Variants in CD33 observed in about 807,000 individuals in gnomAD.
CD33 encodes myeloid cell surface antigen CD33.
In CD33, 25 loss-of-function variants were observed where a neutral mutation model predicts 31.4. That is an observed-to-expected ratio of 0.80 (90% CI 0.58 to 1.11). CD33 has a LOEUF of 1.11. Among genes scored for constraint, CD33 ranks in the 50% most tolerant of loss-of-function variants. The pLI is 0.00. For missense variants in CD33, 407 were observed against 448.1 expected (o/e 0.91, Z 0.83); for synonymous variants, 176 against 180.6 (o/e 0.97, Z 0.20).
At chr19:51,235,969 T>C (rs1029517807) in intron 6 of CD33, 52 of 675,622 alleles carry the variant, frequency 7.7e-5, no homozygotes, top group Middle Eastern at 3.9e-4. Context: ...CTATCCTGGC[T>C]AACATGGTGA....
At chr19:51,226,140 G>T in intron 3 of CD33, 59 bp downstream of exon 3, 2 of 1,584,766 alleles carry the variant, frequency 1.3e-6, no homozygotes, top group Non-Finnish European at 1.7e-6. Flanking sequence ...AGGATGGGCT[G>T]GTGCTGGGGA....
intron 4 of CD33, 109 bp from the exon 5 acceptor site, chr19:51,235,048 C>A: frequency 1.2e-6 from 1 of 811,710 alleles, no homozygotes; most frequent in Non-Finnish European, 2.1e-6. Context: ...GATCTAGGAG[C>A]TAAACCCCAT....
At chr19:51,212,928 T>C in the CD33 span, among the ~76,000 whole-genome samples, 1 of 152,200 alleles carries the variant, frequency 6.6e-6, no homozygotes, top group East Asian at 1.9e-4. Flanking sequence ...TCTGTATAAA[T>C]CTTCTGCTCC....
chr19:51,213,980 C>T, the CD33 span, among the ~76,000 whole-genome samples: 1 of 151,490 alleles, frequency 6.6e-6, no homozygotes, highest in South Asian at 2.1e-4. Context: ...CTGCCTCAGC[C>T]TCCTGAGTAG....
intron 4 of CD33, among the ~76,000 whole-genome samples, chr19:51,229,889 A>T (rs1981287847): frequency 1.3e-5 from 2 of 149,198 alleles, no homozygotes; most frequent in African/African-American, 2.5e-5. Flanking sequence ...GATCTTTATG[A>T]TTTCTTTCAT....
At chr19:51,220,534 C>T (rs1221105392), upstream of CD33, among the ~76,000 whole-genome samples, 1 of 152,162 alleles carries the variant, frequency 6.6e-6, no homozygotes, top group Non-Finnish European at 1.5e-5. Context: ...ATCACATCTC[C>T]CTCTGCTTTT....
chr19:51,235,805 G>A, intron 6 of CD33, 129 bp downstream of exon 6: 2 of 830,688 alleles, frequency 2.4e-6, no homozygotes, highest in Non-Finnish European at 4.1e-6. Context: ...TAACAGTGTA[G>A]GTTTTAATAT....
At chr19:51,233,840 C>A (rs1342735374) in intron 4 of CD33, among the ~76,000 whole-genome samples, 1 of 152,210 alleles carries the variant, frequency 6.6e-6, no homozygotes, top group Non-Finnish European at 1.5e-5. Flanking sequence ...GCCCGGGTGC[C>A]TCCATGCTGC....
upstream of CD33, among the ~76,000 whole-genome samples, chr19:51,222,909 G>C (rs917633493): frequency 1.3e-5 from 2 of 152,110 alleles, no homozygotes; most frequent in African/African-American, 4.8e-5. Context: ...AACATAGTAT[G>C]ACTTTATTGT....
At chr19:51,224,040 G>T (rs547829714), upstream of CD33, among the ~76,000 whole-genome samples, 3 of 152,150 alleles carry the variant, frequency 2.0e-5, no homozygotes, top group East Asian at 1.9e-4. Flanking sequence ...AAAGAAACAC[G>T]AATGGTGGCT....
At chr19:51,211,234 C>T in the CD33 span, 135 of 1,568,454 alleles carry the variant, frequency 8.6e-5, 5 homozygotes, top group Admixed American at 2.4e-4. Flanking sequence ...TCCAAAAATC[C>T]GGCTGCAAGT....
upstream of CD33, chr19:51,224,944 C>T: frequency 1.3e-6 from 1 of 780,894 alleles, no homozygotes; most frequent in Non-Finnish European, 2.1e-6. Flanking sequence ...CCATGAGGGT[C>T]AATCTGTGTG....
intron 4 of CD33, among the ~76,000 whole-genome samples, chr19:51,231,437 T>C (rs949041500): frequency 6.6e-6 from 1 of 152,266 alleles, no homozygotes; most frequent in Non-Finnish European, 1.5e-5. Flanking sequence ...GATTTTCTTT[T>C]CATTCATTCA....
upstream of CD33, among the ~76,000 whole-genome samples, chr19:51,220,824 C>T (rs1980654379): frequency 6.6e-6 from 1 of 152,148 alleles, no homozygotes; most frequent in Non-Finnish European, 1.5e-5. Flanking sequence ...CGTCCTGACA[C>T]ACTAGTGGGC....
rs761091775 is a variant in CD33 at position 51,225,317 on chromosome 19, C to CCATAAA, written c.141_142insAACATA (p.Ile47_Pro48insAsnIle). On this transcript the variant is annotated inframe_insertion, in exon 2 of 7. Coordinates refer to ENST00000262262, the MANE Select transcript of CD33 (RefSeq NM_001772.4). ...CTCGTGCCCTGCACTTTCTTCCATC[C>CCATAAA]CATACCCTACTACGACAAGAACTCC... 2.1e-5 allele frequency: 34 copies of CCATAAA among 1,614,164 alleles called. 1 individual carries two copies. In the Admixed American group the frequency reaches 5.0e-4, roughly 24 times the overall value.
upstream of CD33, among the ~76,000 whole-genome samples, chr19:51,224,285 T>C (rs1980834577): frequency 6.6e-6 from 1 of 152,194 alleles, no homozygotes; most frequent in African/African-American, 2.4e-5. Flanking sequence ...AGTCTGCTTT[T>C]AGCTTCCCTA....
At chr19:51,217,307 G>A in the CD33 span, among the ~76,000 whole-genome samples, 2 of 152,196 alleles carry the variant, frequency 1.3e-5, no homozygotes, top group African/African-American at 4.8e-5. Flanking sequence ...TATAGTCATT[G>A]AGGGGAAGGG....
Position 51,239,657 on chromosome 19 carries a change from C to A in CD33, c.1064C>A (p.Ser355Tyr). 4.3e-6 allele frequency: 7 copies of A among 1,613,106 alleles called. 1 individual carries two copies. In the South Asian group the frequency reaches 7.7e-5, roughly 18 times the overall value. Residue 355 changes from serine (S) to tyrosine (Y), a missense_variant, in exon 7 of 7, where the codon TCC becomes TAC. By Grantham distance (144) the Ser-to-Tyr change is moderately radical. Coordinates refer to ENST00000262262, the MANE Select transcript of CD33 (RefSeq NM_001772.4). Reference sequence around the variant, plus strand: ...GGGATGAATCCTTCCAAGGACACCTCCACCGAATACTCAGAGGTCAGGACC... The same window carrying A: ...GGGATGAATCCTTCCAAGGACACCTACACCGAATACTCAGAGGTCAGGACC... ...FHGMNPSKDT[S>Y]TEYSEVRTQ
chr19:51,214,272 T>C, the CD33 span, among the ~76,000 whole-genome samples: 61 of 149,186 alleles, frequency 4.1e-4, no homozygotes, highest in African/African-American at 1.2e-3. Flanking sequence ...GATCTCAGCT[T>C]ACTGCAACCT....
Sources: gnomAD v4.1 joint callset for allele counts (sites outside exome capture counted in the v4.1 genomes callset) on GRCh38, gnomAD v4.1.1 for gene constraint, MANE v1.5 for transcripts, NCBI Gene and HGNC (gene_info 2026-07-23, HGNC 2026-07-21) for gene names.